FIG4: variants seen among roughly 807,000 people sequenced by gnomAD.
The protein encoded by FIG4 is FIG4 phosphoinositide 5-phosphatase.
A neutral mutation model predicts 118.6 loss-of-function variants in FIG4; 112 were observed. That is an observed-to-expected ratio of 0.94 (90% CI 0.81 to 1.11). FIG4 has a LOEUF of 1.11. FIG4 is among the 50% of genes least tolerant of loss of function. The pLI, the probability that FIG4 is intolerant of heterozygous loss-of-function variation, is 0.00. For synonymous variants in FIG4, 369 were observed against 381.2 expected (o/e 0.97, Z 0.37); for missense variants, 969 against 1,111.7 (o/e 0.87, Z 1.83).
chr6:109,799,404 T>C (rs749553800), intron 22 of FIG4, among the ~76,000 whole-genome samples: 3 of 152,256 alleles, frequency 2.0e-5, no homozygotes, highest in Non-Finnish European at 4.4e-5. Flanking sequence ...GGACGTGCTT[T>C]AAATTGAAAC....
intron 1 of FIG4, among the ~76,000 whole-genome samples, chr6:109,713,909 T>G (rs1269125474): frequency 6.6e-6 from 1 of 151,962 alleles, no homozygotes; most frequent in Non-Finnish European, 1.5e-5. Context: ...GACCAAGGGG[T>G]GCTCAGGTTG....
Position 109,691,511 on chromosome 6 carries a change from C to T in FIG4, c.66+10C>T, listed in dbSNP as rs200063827. 8,070 of 1,568,830 alleles carry T rather than the reference C, an allele frequency of 5.1e-3. 57 individuals are homozygous for T. The highest frequency in any genetic ancestry group is 5.0e-3 in the Middle Eastern group (30 of 5,984). On this transcript the variant is annotated intron_variant, in intron 1 of 22. Transcript: ENST00000230124. ...GTATGAGACTAGAGCTGTGAGTACC[C>T]CCTCGCGGCGGGGCGCAGGCGGGAG...
intron 10 of FIG4, among the ~76,000 whole-genome samples, chr6:109,748,051 G>A (rs1219428118): frequency 2.0e-5 from 3 of 152,102 alleles, no homozygotes; most frequent in African/African-American, 7.2e-5. Context: ...TTCTCCTTAA[G>A]GTAGGAGGAA....
intron 4 of FIG4, among the ~76,000 whole-genome samples, chr6:109,731,306 A>G (rs555112207): frequency 6.6e-6 from 1 of 152,320 alleles, no homozygotes; most frequent in East Asian, 1.9e-4. Context: ...AATGCACGTT[A>G]TCTATAGTGC....
intron 22 of FIG4, among the ~76,000 whole-genome samples, chr6:109,807,454 G>A (rs546437159): frequency 2.5e-4 from 38 of 152,190 alleles, no homozygotes; most frequent in African/African-American, 5.8e-4. Context: ...TTTTTGACAG[G>A]TTTGTTTGTT....
chr6:109,815,496 C>CGGGGGGGGGGGGG (rs58181285), intron 22 of FIG4, among the ~76,000 whole-genome samples: 2 of 106,514 alleles, frequency 1.9e-5, no homozygotes, highest in East Asian at 2.6e-4. Context: ...CTCCAGGCTG[C>CGGGGGGGGGGGGG]CCCCCCCACC....
At chr6:109,737,945 T>C (rs1050280650) in intron 6 of FIG4, among the ~76,000 whole-genome samples, 7 of 152,052 alleles carry the variant, frequency 4.6e-5, no homozygotes, top group African/African-American at 1.7e-4. Context: ...GAGCCAGGAG[T>C]TGGATCCAGG....
intron 7 of FIG4, among the ~76,000 whole-genome samples, chr6:109,739,469 C>G (rs1776259022): frequency 6.6e-6 from 1 of 152,086 alleles, no homozygotes; most frequent in Admixed American, 6.6e-5. Flanking sequence ...CATTTTCCCC[C>G]CACAGATAAG....
At chr6:109,816,928 C>G (rs1371196365) in intron 22 of FIG4, among the ~76,000 whole-genome samples, 1 of 152,226 alleles carries the variant, frequency 6.6e-6, no homozygotes, top group Non-Finnish European at 1.5e-5. Context: ...ATCCATTGGT[C>G]TGAGTTTCCA....
intron 1 of FIG4, among the ~76,000 whole-genome samples, chr6:109,700,232 A>C (rs1259072705): frequency 2.6e-5 from 4 of 152,244 alleles, no homozygotes; most frequent in Admixed American, 6.5e-5. Flanking sequence ...AATATAAAAC[A>C]TTTAAAACTA....
intron 22 of FIG4, among the ~76,000 whole-genome samples, chr6:109,819,439 T>C (rs1352188659): frequency 6.6e-6 from 1 of 152,190 alleles, no homozygotes; most frequent in Non-Finnish European, 1.5e-5. Flanking sequence ...GATTTCAGGA[T>C]TGCAGATAGG....
chr6:109,726,218 A>G (rs1228518873), intron 3 of FIG4, among the ~76,000 whole-genome samples: 1 of 151,672 alleles, frequency 6.6e-6, no homozygotes, highest in East Asian at 1.9e-4. Context: ...TCTTCTAGGG[A>G]TTTTATGGTT....
At chr6:109,747,225 A>G (rs922997504) in intron 10 of FIG4, among the ~76,000 whole-genome samples, 1 of 152,102 alleles carries the variant, frequency 6.6e-6, no homozygotes, top group East Asian at 1.9e-4. Context: ...AACTCTGTGT[A>G]CAGATGACAT....
At chr6:109,714,861 C>T (rs768183174) in intron 1 of FIG4, among the ~76,000 whole-genome samples, 5 of 152,182 alleles carry the variant, frequency 3.3e-5, no homozygotes, top group Non-Finnish European at 5.9e-5. Context: ...AGACATCAGA[C>T]TGATCTTTAT....
chr6:109,799,810 A>G (rs1778382324), intron 22 of FIG4, among the ~76,000 whole-genome samples: 1 of 152,204 alleles, frequency 6.6e-6, no homozygotes, highest in Non-Finnish European at 1.5e-5. Context: ...GACTTTGCTT[A>G]GAAGTGGATG....
At chr6:109,767,850 C>T (rs12526189) in intron 15 of FIG4, among the ~76,000 whole-genome samples, 29,187 of 151,388 alleles carry the variant, frequency 0.19, 3,380 homozygotes, top group Middle Eastern at 0.3. Context: ...CCAGCCTGGG[C>T]GACAGAGCAA....
chr6:109,756,551 C>A (rs988851354), intron 10 of FIG4, among the ~76,000 whole-genome samples: 1 of 152,192 alleles, frequency 6.6e-6, no homozygotes, highest in Non-Finnish European at 1.5e-5. Context: ...TGGTTCCATT[C>A]TCCCCGTCAC....
chr6:109,762,078 C>G lies in FIG4; in HGVS notation c.1272-13C>G, dbSNP rs1295953702. 6.6e-7 allele frequency: 1 copy of G among 1,525,696 alleles called. No homozygotes were observed. The highest frequency in any genetic ancestry group is 2.2e-5 in the East Asian group (1 of 44,448). The allele number at this position is 1,525,696 out of a possible 1,614,324, so 94.5% of individuals were successfully genotyped here. A position where few individuals can be genotyped will look rare whatever the true frequency, so the allele number is the denominator to read the frequency against. Reference sequence around the variant, plus strand: ...TGGCTTCTCACTTTTCTCATTCTTCCTTCTCTCCTCAGCAAGCTGTGTAAT... The same window carrying G: ...TGGCTTCTCACTTTTCTCATTCTTCGTTCTCTCCTCAGCAAGCTGTGTAAT... On this transcript the variant is annotated splice_polypyrimidine_tract_variant and intron_variant, in intron 11 of 22. Transcript: ENST00000230124.
chr6:109,726,325 T>C (rs1194682720), intron 3 of FIG4, among the ~76,000 whole-genome samples: 1 of 152,150 alleles, frequency 6.6e-6, no homozygotes, highest in African/African-American at 2.4e-5. Context: ...TATAGCTAGC[T>C]GGTTTTCCCA....
Sources: gnomAD v4.1 joint callset for allele counts (sites outside exome capture counted in the v4.1 genomes callset) on GRCh38, gnomAD v4.1.1 for gene constraint, MANE v1.5 for transcripts, NCBI Gene and HGNC (gene_info 2026-07-23, HGNC 2026-07-21) for gene names.